The following GPR137C variants were observed in gnomAD, a reference collection of about 807,000 sequenced individuals.
The protein encoded by GPR137C is integral membrane protein GPR137C.
A neutral mutation model predicts 43.4 loss-of-function variants in GPR137C; 27 were observed. The observed-to-expected ratio is 0.62, with a 90% confidence interval of 0.46 to 0.86. The LOEUF is 0.86. Ranked by LOEUF, GPR137C falls within the 40% of genes least tolerant of loss-of-function variation. The pLI is 0.00. For missense variants in GPR137C, 522 were observed against 534.6 expected (o/e 0.98, Z 0.23); for synonymous variants, 285 against 226.9 (o/e 1.26, Z -2.30).
chr14:52,575,987 TG>T (rs1033655335), intron 1 of GPR137C, among the ~76,000 whole-genome samples: 5 of 152,184 alleles, frequency 3.3e-5, no homozygotes, highest in African/African-American at 1.2e-4. Context: ...GGGTTTTTAC[TG>T]GGGGTTGGTC....
At chr14:52,631,919 A>C (rs2039298300) in intron 3 of GPR137C, among the ~76,000 whole-genome samples, 1 of 151,264 alleles carries the variant, frequency 6.6e-6, no homozygotes, top group African/African-American at 2.4e-5. Flanking sequence ...TTGGCAGAAC[A>C]AAATCTTTCT....
intron 1 of GPR137C, among the ~76,000 whole-genome samples, chr14:52,574,491 C>T (rs931975518): frequency 1.1e-4 from 16 of 152,224 alleles, no homozygotes; most frequent in African/African-American, 3.4e-4. Context: ...ACTGCACATT[C>T]TCATAGGTGG....
intron 1 of GPR137C, among the ~76,000 whole-genome samples, chr14:52,563,358 TACTC>T (rs72241112): frequency 0.089 from 13,558 of 152,180 alleles, 660 homozygotes; most frequent in East Asian, 0.15. Context: ...CTCCGATCCT[TACTC>T]ACCCATACTA....
chr14:52,624,885 A>G (rs539221134), intron 3 of GPR137C, among the ~76,000 whole-genome samples: 2 of 152,334 alleles, frequency 1.3e-5, no homozygotes, highest in Non-Finnish European at 2.9e-5. Context: ...TATGAATGAA[A>G]GAGGGACTAT....
At chr14:52,608,918 T>A (rs1329138485) in intron 3 of GPR137C, among the ~76,000 whole-genome samples, 1 of 152,222 alleles carries the variant, frequency 6.6e-6, no homozygotes, top group Non-Finnish European at 1.5e-5. Context: ...TTACTTGGAC[T>A]GACTCTGATT....
rs35843809 is a variant in GPR137C, at chr14:52,604,555, C to T, written c.717+4214C>T. 8.4e-3 allele frequency among the ~76,000 whole-genome samples: 1,281 copies of T among 152,062 alleles called. 10 individuals carry two copies. The highest frequency in any genetic ancestry group is 0.02 in the South Asian group (97 of 4,820). ...CCACCTCCCAGGTTCAAGCGATTCT[C>T]CAGCCTCAGCCTCCCATGTAGCTGG... On this transcript the variant is annotated intron_variant, in intron 3 of 6. Transcript: ENST00000321662.
In GPR137C at chr14:52,637,414, G is replaced by A. The variant is rs1370400015; in HGVS notation, c.*2299G>A. 2.0e-5 allele frequency: 3 copies of A among 152,094 alleles called. No homozygotes were observed. The highest frequency in any genetic ancestry group is 4.4e-5 in the Non-Finnish European group (3 of 68,008). 9.4% of individuals were successfully genotyped at this position (152,094 alleles called of 1,614,324 possible). Reference sequence around the variant, plus strand: ...AAAAAGTGAATTTCATTACTTAAGTGTGTAATTCTATAGTGATTAGCAGTA... The same window carrying A: ...AAAAAGTGAATTTCATTACTTAAGTATGTAATTCTATAGTGATTAGCAGTA... On this transcript the variant is annotated 3_prime_UTR_variant, in exon 7 of 7. Transcript: ENST00000321662.
At chr14:52,615,041 A>T (rs1179520728) in intron 3 of GPR137C, among the ~76,000 whole-genome samples, 1 of 152,204 alleles carries the variant, frequency 6.6e-6, no homozygotes, top group African/African-American at 2.4e-5. Flanking sequence ...GCCCAGACCA[A>T]TGTCTTGGAG....
chr14:52,571,015 C>T (rs554017244), intron 1 of GPR137C, among the ~76,000 whole-genome samples: 1 of 152,302 alleles, frequency 6.6e-6, no homozygotes, highest in South Asian at 2.1e-4. Flanking sequence ...GAATTCTCCA[C>T]CCCAAATCAA....
intron 1 of GPR137C, among the ~76,000 whole-genome samples, chr14:52,564,968 A>C (rs765452941): frequency 3.2e-5 from 4 of 126,222 alleles, no homozygotes; most frequent in Non-Finnish European, 5.4e-5. Context: ...CAAAAGTCCC[A>C]AAATCAGATG....
At chr14:52,592,505 A>T (rs963618723) in intron 1 of GPR137C, among the ~76,000 whole-genome samples, 2 of 151,886 alleles carry the variant, frequency 1.3e-5, no homozygotes, top group African/African-American at 4.8e-5. Context: ...CTTTTATTTC[A>T]TTGAGCAGTG....
chr14:52,554,764 C>T (rs1412325431), intron 1 of GPR137C, among the ~76,000 whole-genome samples: 2 of 150,570 alleles, frequency 1.3e-5, no homozygotes, highest in African/African-American at 4.9e-5. Flanking sequence ...CTGCATAAAC[C>T]AACTCTTTTC....
Position 52,553,226 on chromosome 14 carries a change from A to G in GPR137C, c.79A>G (p.Ser27Gly), listed in dbSNP as rs147785041. 0.44 allele frequency: 564,290 copies of G among 1,280,752 alleles called. 128,129 individuals are homozygous for G. The highest frequency in any genetic ancestry group is 0.72 in the East Asian group (22,531 of 31,434). 79.3% of individuals were successfully genotyped at this position (1,280,752 alleles called of 1,614,324 possible). A position where few individuals can be genotyped will look rare whatever the true frequency, so the allele number is the denominator to read the frequency against. The change falls in exon 1 of 7, where the codon AGC becomes GGC. Residue 27 changes from serine (S) to glycine (G), a missense_variant. Transcript: ENST00000321662. The part of the protein sequence containing the change: ...GREPSTPGGG[S>G]GGGGAVAAAS... ...CGAGCCCTCCACGCCCGGCGGGGGC[A>G]GCGGAGGCGGAGGCGCCGTCGCTGC...
intron 3 of GPR137C, among the ~76,000 whole-genome samples, chr14:52,616,325 G>C (rs2039098716): frequency 6.6e-6 from 1 of 152,088 alleles, no homozygotes; most frequent in Non-Finnish European, 1.5e-5. Flanking sequence ...ACAGGGTCTT[G>C]CCCTGTCACC....
intron 1 of GPR137C, among the ~76,000 whole-genome samples, chr14:52,575,769 A>T (rs930304324): frequency 2.0e-5 from 3 of 152,204 alleles, no homozygotes; most frequent in Non-Finnish European, 2.9e-5. Context: ...GATCCTATTC[A>T]ATTTCCCGTG....
At chr14:52,628,713 T>C (rs747580659) in intron 3 of GPR137C, among the ~76,000 whole-genome samples, 1 of 152,074 alleles carries the variant, frequency 6.6e-6, no homozygotes, top group Non-Finnish European at 1.5e-5. Flanking sequence ...GGAGAATCAC[T>C]TGAACCCGGT....
At chr14:52,603,007 T>C (rs1290442297) in intron 3 of GPR137C, among the ~76,000 whole-genome samples, 2 of 152,094 alleles carry the variant, frequency 1.3e-5, no homozygotes, top group African/African-American at 4.8e-5. Context: ...TAAATTGTTA[T>C]TAACTATAAT....
chr14:52,602,861 G>A (rs1276069687), intron 3 of GPR137C, among the ~76,000 whole-genome samples: 1 of 151,532 alleles, frequency 6.6e-6, no homozygotes, highest in African/African-American at 2.4e-5. Flanking sequence ...CATATTTTTG[G>A]GGTACATGTG....
At chr14:52,625,531 T>A (rs1367397406) in intron 3 of GPR137C, among the ~76,000 whole-genome samples, 13 of 67,682 alleles carry the variant, frequency 1.9e-4, no homozygotes, top group Non-Finnish European at 3.3e-4. Context: ...GAAGAACACA[T>A]CTTTTTTTTT....
Sources: allele counts gnomAD v4.1 joint callset (sites outside exome capture counted in the v4.1 genomes callset), GRCh38; gene constraint gnomAD v4.1.1; transcripts MANE v1.5; gene names NCBI Gene and HGNC (gene_info 2026-07-23, HGNC 2026-07-21).